SCN3A: variants seen among roughly 807,000 people sequenced by gnomAD.
SCN3A encodes the protein sodium channel protein type 3 subunit alpha.
SCN3A carries 60 observed loss-of-function variants against 187.6 expected under a neutral mutation model. The ratio of observed to expected loss-of-function variants is 0.32; its 90% CI spans 0.26 to 0.40. The LOEUF (loss-of-function observed/expected upper bound fraction) is 0.40, where lower values mean the gene tolerates loss of function less well. SCN3A is among the 10% of genes least tolerant of loss of function. The pLI is 1.00. For synonymous variants in SCN3A, 788 were observed against 829.2 expected (o/e 0.95, Z 0.85); for missense variants, 1,601 against 2,428.2 (o/e 0.66, Z 7.16).
chr2:165,100,573 A>T, intron 21 of SCN3A, 149 bp from the exon 22 acceptor site: 1 of 726,800 alleles, frequency 1.4e-6, no homozygotes, highest in Non-Finnish European at 2.3e-6. Flanking sequence ...GTCATCTTAT[A>T]TTGCCAGTCT....
At position 165,113,818 on chromosome 2, in the gene SCN3A, A is replaced by G. The variant is rs1269710222; in HGVS notation, c.3667T>C (p.Leu1223=). ...TTGCCAATATGCATTTCACTTACCA[A>G]TGCACCACTACTGAGAAGGATCATG... is the stretch of plus-strand genomic sequence containing the variant. ...VFMILLSSGA[L]AFEDIYIEQR... Residue 1223 remains leucine, a splice_region_variant and synonymous_variant, in exon 20 of 28, where the codon TTG becomes CTG. Coordinates refer to ENST00000283254, the MANE Select transcript of SCN3A (RefSeq NM_006922.4). The G allele has an allele frequency of 1.2e-6, 2 of 1,613,834 alleles. No individual in the cohort carries two copies. The highest frequency in any genetic ancestry group is 1.7e-5 in the Admixed American group (1 of 60,008).
chr2:165,129,699 A>G (rs1377606936), intron 17 of SCN3A, among the ~76,000 whole-genome samples: 1 of 152,234 alleles, frequency 6.6e-6, no homozygotes, highest in Admixed American at 6.5e-5. Context: ...ATTCATAAAT[A>G]CATCTGATTT....
intron 11 of SCN3A, among the ~76,000 whole-genome samples, chr2:165,152,973 G>A (rs1688778949): frequency 6.7e-6 from 1 of 149,268 alleles, no homozygotes; most frequent in African/African-American, 2.5e-5. Flanking sequence ...GAACTACAAG[G>A]GACATAAAAC....
chr2:165,193,050 CT>C (rs1027764404), intron 1 of SCN3A, among the ~76,000 whole-genome samples: 12 of 152,052 alleles, frequency 7.9e-5, no homozygotes, highest in African/African-American at 2.7e-4. Context: ...TTATTGTTTT[CT>C]TTTTTTGATA....
At chr2:165,199,281 G>T (rs972485370) in intron 1 of SCN3A, among the ~76,000 whole-genome samples, 1 of 151,910 alleles carries the variant, frequency 6.6e-6, no homozygotes, top group Admixed American at 6.6e-5. Flanking sequence ...CCAGCACAGA[G>T]TTTAATCACA....
At chr2:165,102,757 T>C (rs1004822851) in intron 21 of SCN3A, among the ~76,000 whole-genome samples, 4 of 152,118 alleles carry the variant, frequency 2.6e-5, no homozygotes, top group African/African-American at 7.2e-5. Flanking sequence ...CAGAGGAAAT[T>C]AGCACCACAT....
chr2:165,166,246 T>G (rs1199862151), intron 5 of SCN3A, among the ~76,000 whole-genome samples: 1 of 152,198 alleles, frequency 6.6e-6, no homozygotes, highest in Non-Finnish European at 1.5e-5. Context: ...TGTTCATGGC[T>G]GTCCATGGAA....
chr2:165,188,026 T>A (rs1418593550), intron 1 of SCN3A, among the ~76,000 whole-genome samples: 1 of 152,196 alleles, frequency 6.6e-6, no homozygotes, highest in East Asian at 1.9e-4. Context: ...TTAAGTATGT[T>A]AAATAACCAA....
At chr2:165,132,825 A>G (rs1167981694) in intron 15 of SCN3A, among the ~76,000 whole-genome samples, 1 of 152,210 alleles carries the variant, frequency 6.6e-6, no homozygotes, top group Non-Finnish European at 1.5e-5. Flanking sequence ...AAAAGATACT[A>G]CCGTCAGAGT....
At chr2:165,163,749 A>G in intron 6 of SCN3A, 40 bp from the exon 7 acceptor site, 1 of 1,613,732 alleles carries the variant, frequency 6.2e-7, no homozygotes, top group South Asian at 1.1e-5. Context: ...AATAACACAC[A>G]AGAAAAGTTG....
intron 18 of SCN3A, among the ~76,000 whole-genome samples, chr2:165,118,945 G>C (rs1465684307): frequency 1.3e-5 from 2 of 151,938 alleles, no homozygotes; most frequent in African/African-American, 4.8e-5. Flanking sequence ...TGTATTTTTA[G>C]TAGAGACGGG....
chr2:165,145,362 A>G (rs1381392688), intron 12 of SCN3A, among the ~76,000 whole-genome samples: 2 of 152,108 alleles, frequency 1.3e-5, no homozygotes, highest in Non-Finnish European at 2.9e-5. Flanking sequence ...CAGAGCTTCA[A>G]GTTAATTCCA....
Position 165,162,800 on chromosome 2 carries a change from G to A in SCN3A, c.723C>T (p.Ile241=), listed in dbSNP as rs760119357. 2 of 1,614,062 alleles carry A rather than the reference G, an allele frequency of 1.2e-6. No individual in the cohort carries two copies. The highest frequency in any genetic ancestry group is 1.7e-6 in the Non-Finnish European group (2 of 1,179,976). Residue 241 remains isoleucine (I), a synonymous_variant, in exon 8 of 28, where the codon ATC becomes ATT. Transcript: ENST00000283254. ...PGLKTIVGAL[I]QSVKKLSDVM... Reference sequence around the variant, plus strand: ...CATCAGAAAGCTTCTTTACCGACTGGATCAGGGCCCCCACAATGGTCTTTA... The same window carrying A: ...CATCAGAAAGCTTCTTTACCGACTGAATCAGGGCCCCCACAATGGTCTTTA...
chr2:165,112,360 T>TAAAAATGGA (rs2105705259), intron 21 of SCN3A, among the ~76,000 whole-genome samples: 1 of 152,342 alleles, frequency 6.6e-6, no homozygotes, highest in African/African-American at 2.4e-5. Flanking sequence ...ACTACTGATT[T>TAAAAATGGA]AAAAATGGAA....
chr2:165,170,610 A>G (rs1372587159), intron 3 of SCN3A, 62 bp from the exon 4 acceptor site: 4 of 983,680 alleles, frequency 4.1e-6, no homozygotes, highest in South Asian at 1.3e-5. Context: ...AAGAGCTTAC[A>G]TACATGAAGA....
rs1335008980 is a variant in SCN3A, at chr2:165,100,352, A to C, written c.3916T>G (p.Leu1306Val). The C allele has an allele frequency of 1.9e-6, 3 of 1,613,912 alleles. No individual in the cohort carries two copies. Among genetic ancestry groups the C allele is most frequent in the Non-Finnish European group, 2.5e-6 (3 of 1,179,884 alleles). Residue 1306 changes from leucine to valine, a missense_variant, in exon 22 of 28, where the codon TTA becomes GTA. Leu to Val is a conservative substitution (Grantham distance 32). Transcript: ENST00000283254. ...ELGAIKSLRTLRALRPLRALS... is the reference protein window; with the variant it reads ...ELGAIKSLRTVRALRPLRALS... ...GCTCTTAGAGGTCTTAAAGCTCTTA[A>C]TGTCCGTAATGATTTGATGGCACCG...
In SCN3A at chr2:165,130,121, T is replaced by C. The variant is rs1317132387; in HGVS notation, c.2741A>G (p.Lys914Arg). Residue 914 changes from lysine (K) to arginine (R), a missense_variant, in exon 17 of 28, where the codon AAG (lysine) becomes AGG (arginine). Coordinates refer to ENST00000283254, the MANE Select transcript of SCN3A (RefSeq NM_006922.4). Reference protein sequence around the residue: ...FGKSYKECVCKINDDCTLPRW... With the variant: ...FGKSYKECVCRINDDCTLPRW... ...TGGGAGCGTACAGTCATCATTGATC[T>C]TGCAGACACATTCTTTGTAGCTCTT... 3.1e-6 allele frequency: 5 copies of C among 1,614,070 alleles called. No individual in the cohort carries two copies. In the East Asian group the frequency reaches 1.1e-4, roughly 36 times the overall value.
At chr2:165,175,146 T>G (rs1012484471) in intron 3 of SCN3A, among the ~76,000 whole-genome samples, 4 of 152,222 alleles carry the variant, frequency 2.6e-5, no homozygotes, top group Non-Finnish European at 5.9e-5. Context: ...TATAAACTTT[T>G]AAAAGGATGT....
chr2:165,162,296 T>C lies in SCN3A; in HGVS notation c.1031+12A>G. 6.2e-7 allele frequency: 1 copy of C among 1,608,510 alleles called. No individual in the cohort carries two copies. The highest frequency in any genetic ancestry group is 8.5e-7 in the Non-Finnish European group (1 of 1,176,784). On this transcript the variant is annotated intron_variant, in intron 9 of 27. Coordinates refer to ENST00000283254, the MANE Select transcript of SCN3A (RefSeq NM_006922.4). ...GAGTTCTATATCTTAAAAAATATAT[T>C]ATGTTTCTTACCCTGCATCTGAGCC... is the stretch of plus-strand genomic sequence containing the variant.
Sources: allele counts gnomAD v4.1 joint callset (sites outside exome capture counted in the v4.1 genomes callset), GRCh38; gene constraint gnomAD v4.1.1; transcripts MANE v1.5; gene names NCBI Gene and HGNC (gene_info 2026-07-23, HGNC 2026-07-21).